The following ADAMTSL3 variants were observed in gnomAD, a reference collection of about 807,000 sequenced individuals.
ADAMTSL3 encodes ADAMTS like 3, also known as ADAMTS-like protein 3.
In ADAMTSL3, 128 loss-of-function variants were observed where a neutral mutation model predicts 201.7. That is an observed-to-expected ratio of 0.63 (90% CI 0.55 to 0.73). ADAMTSL3 has a LOEUF of 0.73. Among genes scored for constraint, ADAMTSL3 ranks in the 30% least tolerant of loss-of-function variants. The pLI is 0.00. For missense variants in ADAMTSL3, 1,990 were observed against 2,119.6 expected, an observed-to-expected ratio of 0.94 and a Z score of 1.20; for synonymous variants, 738 against 748.4, an observed-to-expected ratio of 0.99 and a Z score of 0.23.
chr15:83,727,343 T>C (rs1283434561), intron 3 of ADAMTSL3, among the ~76,000 whole-genome samples: 1 of 151,936 alleles, frequency 6.6e-6, no homozygotes, highest in Non-Finnish European at 1.5e-5. Context: ...ATCAACTTTT[T>C]GTTTCATTGA....
rs540860465 is a variant in ADAMTSL3, at chr15:83,739,218, G to A, written c.190-34305G>A. ...CAGAAGGATGGAAAATAAATGGATG[G>A]TAAAACATGGATCATGCAAGTGTAA... On this transcript the variant is annotated intron_variant, in intron 3 of 29. Coordinates refer to ENST00000286744, the MANE Select transcript of ADAMTSL3 (RefSeq NM_207517.3). Among the ~76,000 whole-genome samples the A allele has an allele frequency of 6.6e-5, 10 of 151,842 alleles. No homozygotes were observed. In the South Asian group the frequency reaches 2.1e-3, roughly 32 times the overall value.
chr15:83,661,633 G>C lies in ADAMTSL3; in HGVS notation c.69+5803G>C, dbSNP rs149403184. ...CTTGTGATTTTTGTACATTGATTTTGTATCCTGAGACTTTGCTGAAGTTGC... is the reference window on the plus strand; with the variant it reads ...CTTGTGATTTTTGTACATTGATTTTCTATCCTGAGACTTTGCTGAAGTTGC... On this transcript the variant is annotated intron_variant, in intron 2 of 29. Coordinates refer to ENST00000286744, the MANE Select transcript of ADAMTSL3 (RefSeq NM_207517.3). 2.9e-3 allele frequency among the ~76,000 whole-genome samples: 445 copies of C among 152,214 alleles called. 2 individuals are homozygous for C. Among genetic ancestry groups the C allele is most frequent in the African/African-American group, 0.01 (428 of 41,544 alleles).
chr15:83,804,601 T>C (rs780014118), intron 4 of ADAMTSL3, 49 bp from the exon 5 acceptor site: 1 of 1,081,810 alleles, frequency 9.2e-7, no homozygotes, highest in Non-Finnish European at 1.3e-6. Context: ...AATGCTTGCC[T>C]CTTCTATGAA....
intron 6 of ADAMTSL3, among the ~76,000 whole-genome samples, chr15:83,820,319 T>G (rs530616372): frequency 5.7e-4 from 87 of 152,266 alleles, no homozygotes; most frequent in African/African-American, 2.0e-3. Flanking sequence ...CTCAGGTGAT[T>G]CGCCTGCCTC....
At chr15:83,767,056 C>T (rs192512178) in intron 3 of ADAMTSL3, among the ~76,000 whole-genome samples, 6 of 152,116 alleles carry the variant, frequency 3.9e-5, no homozygotes, top group East Asian at 1.9e-4. Context: ...ATTGTGCCAC[C>T]GCACTCCAGC....
rs2065457305 is a variant in ADAMTSL3, at chr15:83,889,192, G to A, written c.1073-917G>A. Reference sequence around the variant, plus strand: ...TTAGATTTAATAGAATCAGGAATAAGTCTTCATTCCTTCCGTTTGAAGGCT... The same window carrying A: ...TTAGATTTAATAGAATCAGGAATAAATCTTCATTCCTTCCGTTTGAAGGCT... On this transcript the variant is annotated intron_variant, in intron 10 of 29. Coordinates refer to ENST00000286744, the MANE Select transcript of ADAMTSL3 (RefSeq NM_207517.3). Among the ~76,000 whole-genome samples, 4 of 152,236 alleles carry A rather than the reference G, an allele frequency of 2.6e-5. No homozygotes were observed. The South Asian group carries it at 6.2e-4, about 24-fold the overall frequency.
chr15:83,671,407 G>C (rs1391898163), intron 2 of ADAMTSL3, among the ~76,000 whole-genome samples: 1 of 152,088 alleles, frequency 6.6e-6, no homozygotes, highest in Non-Finnish European at 1.5e-5. Flanking sequence ...AATACAAAAA[G>C]ATAATTTGTA....
chr15:83,875,147 A>C (rs906918571), intron 9 of ADAMTSL3, among the ~76,000 whole-genome samples: 28 of 152,370 alleles, frequency 1.8e-4, no homozygotes, highest in African/African-American at 6.7e-4. Flanking sequence ...GGTGATGCTG[A>C]GAGAGCCGTC....
At chr15:83,962,146 C>T (rs1464498221) in intron 19 of ADAMTSL3, 3 of 152,172 alleles carry the variant, frequency 2.0e-5, no homozygotes, top group African/African-American at 7.2e-5. Flanking sequence ...GCTTGGCTCT[C>T]ATTCTCTCTT....
intron 17 of ADAMTSL3, among the ~76,000 whole-genome samples, chr15:83,939,366 A>G (rs1276327300): frequency 6.6e-6 from 1 of 152,148 alleles, no homozygotes; most frequent in Non-Finnish European, 1.5e-5. Flanking sequence ...TAAATAACAA[A>G]TTTAACTTAA....
chr15:83,928,165 T>A (rs1312249704), intron 17 of ADAMTSL3, among the ~76,000 whole-genome samples: 2 of 151,990 alleles, frequency 1.3e-5, no homozygotes, highest in Non-Finnish European at 2.9e-5. Flanking sequence ...TTAAATGTTT[T>A]TAGAGATTAG....
chr15:83,903,894 G>A (rs1176383810), intron 15 of ADAMTSL3, among the ~76,000 whole-genome samples: 2 of 134,884 alleles, frequency 1.5e-5, no homozygotes, highest in African/African-American at 5.9e-5. Flanking sequence ...CTCCAGCCTG[G>A]GTGACAGTGC....
intron 16 of ADAMTSL3, among the ~76,000 whole-genome samples, chr15:83,921,469 A>C (rs147684905): frequency 1.3e-5 from 2 of 152,190 alleles, no homozygotes; most frequent in Non-Finnish European, 2.9e-5. Flanking sequence ...GGCTCTGACT[A>C]TGGATTTTAA....
At chr15:83,739,854 A>G (rs2062427342) in intron 3 of ADAMTSL3, 3 of 600,056 alleles carry the variant, frequency 5.0e-6, no homozygotes, top group South Asian at 4.1e-5. Flanking sequence ...TGGGAGTTCT[A>G]CTGCCTGGAA....
At position 83,838,197 on chromosome 15, in the gene ADAMTSL3, C is replaced by CA; in HGVS notation, c.710dup (p.His237GlnfsTer5). On this transcript the variant is annotated frameshift_variant, in exon 7 of 30. Transcript: ENST00000286744. LOFTEE classifies it high-confidence loss of function. ...GCTTGTACGGGGACAATCAAAGTCACACGTTTCTCCTGAAAAAAGTAGGTT... is the reference window on the plus strand; with the variant it reads ...GCTTGTACGGGGACAATCAAAGTCACAACGTTTCTCCTGAAAAAAGTAGGTT... 1 of 1,612,776 alleles carries CA rather than the reference C, an allele frequency of 6.2e-7. No homozygotes were observed. The highest frequency in any genetic ancestry group is 8.5e-7 in the Non-Finnish European group (1 of 1,179,456).
intron 2 of ADAMTSL3, among the ~76,000 whole-genome samples, chr15:83,666,198 CAT>C (rs375340963): frequency 1.3e-3 from 202 of 152,232 alleles, no homozygotes; most frequent in African/African-American, 4.7e-3. Context: ...GTATTTTCTA[CAT>C]GTCATTAAAT....
Position 83,822,522 on chromosome 15 carries a change from G to A in ADAMTSL3, c.600+2475G>A, listed in dbSNP as rs1439594370. 8.5e-5 allele frequency among the ~76,000 whole-genome samples: 12 copies of A among 140,748 alleles called. No homozygotes were observed. The East Asian group carries it at 2.1e-3, about 25-fold the overall frequency. 92.3% of individuals were successfully genotyped at this position (140,748 alleles called of 152,430 possible). A position where few individuals can be genotyped will look rare whatever the true frequency, so the allele number is the denominator to read the frequency against. On this transcript the variant is annotated intron_variant, in intron 6 of 29. Transcript: ENST00000286744. ...CGCTCCTCACCTCCCAGACGGGGTT[G>A]CGGCCGGGTAGAGGCGCTCCTCACA...
chr15:83,762,208 G>T (rs1271723209), intron 3 of ADAMTSL3, among the ~76,000 whole-genome samples: 6 of 152,050 alleles, frequency 3.9e-5, no homozygotes, highest in Non-Finnish European at 7.4e-5. Context: ...GAGCCACTGC[G>T]CTTAGCCAGA....
At chr15:83,682,019 A>C (rs994867424) in intron 2 of ADAMTSL3, among the ~76,000 whole-genome samples, 1 of 152,118 alleles carries the variant, frequency 6.6e-6, no homozygotes, top group African/African-American at 2.4e-5. Context: ...CCAATTTCAG[A>C]ACTATTTTTG....
Sources: gnomAD v4.1 joint callset for allele counts (sites outside exome capture counted in the v4.1 genomes callset) on GRCh38, gnomAD v4.1.1 for gene constraint, MANE v1.5 for transcripts, NCBI Gene and HGNC (gene_info 2026-07-23, HGNC 2026-07-21) for gene names.